FGF14: variants seen among roughly 807,000 people sequenced by gnomAD.
FGF14 encodes fibroblast growth factor homologous factor 4.
A neutral mutation model predicts 25.5 loss-of-function variants in FGF14; 5 were observed. That is an observed-to-expected ratio of 0.20 (90% confidence interval 0.10 to 0.41). FGF14 has a LOEUF of 0.41. Ranked by LOEUF, FGF14 falls within the 10% of genes least tolerant of loss-of-function variation. The pLI, the probability that FGF14 is intolerant of heterozygous loss-of-function variation, is 1.00. For synonymous variants in FGF14, 138 were observed against 118.3 expected (o/e 1.17, Z -1.08); for missense variants, 222 against 320.1 (o/e 0.69, Z 2.34).
intron 1 of FGF14, among the ~76,000 whole-genome samples, chr13:102,202,428 A>G (rs1165181586): frequency 1.3e-5 from 2 of 152,198 alleles, no homozygotes; most frequent in Non-Finnish European, 2.9e-5. Flanking sequence ...CAAGTTTATG[A>G]TACTACAGAG....
At chr13:102,360,565 T>C (rs1215524320) in intron 1 of FGF14, among the ~76,000 whole-genome samples, 1 of 152,146 alleles carries the variant, frequency 6.6e-6, no homozygotes, top group Admixed American at 6.6e-5. Context: ...GTAAAATGAT[T>C]ACCCTTAAGA....
Position 101,916,496 on chromosome 13 carries a change from T to C in FGF14, c.150A>G (p.Lys50=). 6.2e-7 allele frequency: 1 copy of C among 1,613,912 alleles called. No individual in the cohort carries two copies. Among genetic ancestry groups the C allele is most frequent in the South Asian group, 1.1e-5 (1 of 91,084 alleles). Residue 50 remains lysine, a synonymous_variant, in exon 1 of 5, where the codon AAA becomes AAG. Coordinates refer to ENST00000376143, the MANE Select transcript of FGF14 (RefSeq NM_004115.4). ...GCTTCTTGAGGCCGAAGATGCGCAC[T>C]TTGGAGAAGATATCCACCAGGTTGC... ...CNGNLVDIFS[K]VRIFGLKKRR...
At chr13:102,236,105 T>C (rs1260587236) in intron 1 of FGF14, among the ~76,000 whole-genome samples, 11 of 152,230 alleles carry the variant, frequency 7.2e-5, no homozygotes, top group Admixed American at 7.2e-4. Flanking sequence ...TGTTGTCTTA[T>C]ACGTAAACAA....
intron 1 of FGF14, among the ~76,000 whole-genome samples, chr13:102,322,588 TATAA>T (rs2056287094): frequency 6.6e-6 from 1 of 152,158 alleles, no homozygotes; most frequent in Non-Finnish European, 1.5e-5. Context: ...TTCTCATACT[TATAA>T]ATAAAGTTGT....
chr13:101,797,441 CAG>C (rs1409861492), intron 3 of FGF14, among the ~76,000 whole-genome samples: 2 of 151,972 alleles, frequency 1.3e-5, no homozygotes, highest in African/African-American at 2.4e-5. Flanking sequence ...CGCACATAAA[CAG>C]GGGTCAATTT....
At chr13:101,919,350 G>A (rs1743549920), upstream of FGF14, among the ~76,000 whole-genome samples, 1 of 151,506 alleles carries the variant, frequency 6.6e-6, no homozygotes, top group African/African-American at 2.4e-5. Context: ...GTTAAGTATA[G>A]TGACCTCTTA....
At chr13:102,308,200 G>T (rs1419505940) in intron 1 of FGF14, among the ~76,000 whole-genome samples, 2 of 152,170 alleles carry the variant, frequency 1.3e-5, no homozygotes, top group Non-Finnish European at 2.9e-5. Flanking sequence ...AGATACTCAA[G>T]ATCCTCTCCA....
intron 3 of FGF14, among the ~76,000 whole-genome samples, chr13:101,827,885 T>G (rs887178991): frequency 2.7e-5 from 4 of 150,462 alleles, no homozygotes; most frequent in Non-Finnish European, 5.9e-5. Context: ...TAGAGGTGAA[T>G]TTAAGCAAAT....
intron 1 of FGF14, among the ~76,000 whole-genome samples, chr13:101,973,622 T>C (rs1425192314): frequency 2.0e-5 from 3 of 152,140 alleles, no homozygotes; most frequent in African/African-American, 4.8e-5. Flanking sequence ...GCAGGAAGCA[T>C]CCAGCACGGG....
chr13:102,167,370 A>ACAT (rs1308353174), intron 1 of FGF14, among the ~76,000 whole-genome samples: 1 of 151,758 alleles, frequency 6.6e-6, no homozygotes, highest in Non-Finnish European at 1.5e-5. Flanking sequence ...TATTGAGACA[A>ACAT]CATGGTACCA....
chr13:102,206,452 G>A (rs530912204), intron 1 of FGF14, among the ~76,000 whole-genome samples: 49 of 152,066 alleles, frequency 3.2e-4, no homozygotes, highest in African/African-American at 1.0e-3. Context: ...AGGCTGAGGC[G>A]GGCAGATCAC....
chr13:102,210,388 T>C (rs1566820751), intron 1 of FGF14, among the ~76,000 whole-genome samples: 8 of 152,166 alleles, frequency 5.3e-5, no homozygotes. Flanking sequence ...GATATAATCA[T>C]ATATTCTTAA....
chr13:101,956,310 A>T lies in FGF14; in HGVS notation c.209-81014T>A, dbSNP rs118080220. 7.8e-3 allele frequency among the ~76,000 whole-genome samples: 1,185 copies of T among 152,274 alleles called. 33 individuals carry two copies. Among genetic ancestry groups the T allele is most frequent in the Admixed American group, 0.045 (684 of 15,302 alleles). On this transcript the variant is annotated intron_variant, in intron 1 of 4. Transcript: ENST00000376131. The stretch of plus-strand genomic sequence containing the variant: ...GATAACATCTCTCTTTACATAAAAC[A>T]CACTTGACATTGCGTATTATCATGT...
At chr13:102,174,374 C>T (rs1367235737) in intron 1 of FGF14, among the ~76,000 whole-genome samples, 2 of 151,132 alleles carry the variant, frequency 1.3e-5, no homozygotes, top group Non-Finnish European at 2.9e-5. Context: ...ACTTGCTGGC[C>T]AGGCTGGTCT....
chr13:102,067,675 A>G (rs577960447), intron 1 of FGF14, among the ~76,000 whole-genome samples: 32 of 151,000 alleles, frequency 2.1e-4, no homozygotes, highest in African/African-American at 7.6e-4. Flanking sequence ...CAAAAAGGCA[A>G]ATCTAGTACT....
At chr13:102,087,575 C>CTTTTTTTTTTTTTTTT (rs1166446102) in intron 1 of FGF14, among the ~76,000 whole-genome samples, 4 of 79,878 alleles carry the variant, frequency 5.0e-5, no homozygotes, top group African/African-American at 1.7e-4. Context: ...CCATGCCTGG[C>CTTTTTTTTTTTTTTTT]TTTTTTTTTT....
intron 1 of FGF14, among the ~76,000 whole-genome samples, chr13:102,184,424 T>G (rs7322577): frequency 0.18 from 28,117 of 152,078 alleles, 2,770 homozygotes; most frequent in South Asian, 0.24. Context: ...GTCCAGTCCC[T>G]GAATCTATCT....
At chr13:102,182,465 C>T (rs932720099) in intron 1 of FGF14, among the ~76,000 whole-genome samples, 3 of 152,062 alleles carry the variant, frequency 2.0e-5, no homozygotes, top group Admixed American at 6.5e-5. Flanking sequence ...TCTGATAATA[C>T]GTTATGGCTG....
At chr13:102,264,010 C>CCTT (rs2052854595) in intron 1 of FGF14, among the ~76,000 whole-genome samples, 1 of 58,770 alleles carries the variant, frequency 1.7e-5, no homozygotes, top group Admixed American at 1.7e-4. Context: ...TTTTCTCTTT[C>CCTT]CTTTTTTTTT....
Sources: gnomAD v4.1 joint callset for allele counts (sites outside exome capture counted in the v4.1 genomes callset) on GRCh38, gnomAD v4.1.1 for gene constraint, MANE v1.5 for transcripts, NCBI Gene and HGNC (gene_info 2026-07-23, HGNC 2026-07-21) for gene names.